Variants in TMEM108 observed in about 807,000 individuals in gnomAD.
TMEM108 encodes the protein cancer/testis antigen 124.
Under a neutral mutation model 35.1 loss-of-function variants are expected in TMEM108, and 12 were observed. That is an observed-to-expected ratio of 0.34 (90% confidence interval 0.22 to 0.55). The LOEUF (loss-of-function observed/expected upper bound fraction) is 0.55, where lower values mean the gene tolerates loss of function less well. TMEM108 is among the 20% of genes least tolerant of loss of function. The probability of loss-of-function intolerance (pLI) is 0.89; values close to 1 mark genes in which losing one functional copy is unlikely to be tolerated. For synonymous variants in TMEM108, 287 were observed against 308.6 expected (o/e 0.93, Z 0.73); for missense variants, 680 against 753.3 (o/e 0.90, Z 1.14).
intron 3 of TMEM108, among the ~76,000 whole-genome samples, chr3:133,313,389 G>A (rs561527478): frequency 6.6e-6 from 1 of 151,894 alleles, no homozygotes; most frequent in African/African-American, 2.4e-5. Context: ...AGTAGAGACG[G>A]GTTTTCACCG....
chr3:133,211,380 CAAAAGAA>C (rs1374879912), intron 2 of TMEM108, among the ~76,000 whole-genome samples: 3 of 151,820 alleles, frequency 2.0e-5, no homozygotes, highest in Non-Finnish European at 4.4e-5. Flanking sequence ...TCAGGCATTG[CAAAAGAA>C]AAAAGAAAAA....
intron 4 of TMEM108, among the ~76,000 whole-genome samples, chr3:133,383,498 T>G (rs1325913436): frequency 1.3e-5 from 2 of 152,168 alleles, no homozygotes; most frequent in Non-Finnish European, 2.9e-5. Flanking sequence ...GATATGGGCC[T>G]CCCTCTTTGA....
intron 2 of TMEM108, among the ~76,000 whole-genome samples, chr3:133,102,060 A>G (rs1364456745): frequency 1.3e-5 from 2 of 152,242 alleles, no homozygotes; most frequent in Non-Finnish European, 2.9e-5. Context: ...ATTGGTTTCT[A>G]TAATATGATT....
intron 3 of TMEM108, among the ~76,000 whole-genome samples, chr3:133,261,995 AG>A (rs1946631952): frequency 6.6e-6 from 1 of 152,200 alleles, no homozygotes; most frequent in Non-Finnish European, 1.5e-5. Flanking sequence ...CACATATCAG[AG>A]GGCAAGTATC....
At chr3:133,298,479 CT>C (rs1268851783) in intron 3 of TMEM108, among the ~76,000 whole-genome samples, 2 of 152,050 alleles carry the variant, frequency 1.3e-5, no homozygotes, top group African/African-American at 2.4e-5. Flanking sequence ...ACCTAGAGTG[CT>C]TGTGATTTTA....
intron 3 of TMEM108, among the ~76,000 whole-genome samples, chr3:133,264,073 A>C (rs1278250729): frequency 6.6e-6 from 1 of 152,206 alleles, no homozygotes; most frequent in East Asian, 1.9e-4. Flanking sequence ...TGGGAGATCA[A>C]GGCAGGAGGA....
chr3:133,119,268 C>G (rs1325006749), intron 2 of TMEM108: 1 of 152,020 alleles, frequency 6.6e-6, no homozygotes, highest in Admixed American at 6.6e-5. Context: ...AGAGTAGGCA[C>G]TCCCCTCCAC....
intron 2 of TMEM108, among the ~76,000 whole-genome samples, chr3:133,220,202 T>G (rs554541459): frequency 6.6e-6 from 1 of 152,270 alleles, no homozygotes; most frequent in South Asian, 2.1e-4. Context: ...CACTTTCATT[T>G]TGTATGTGTC....
chr3:133,106,413 C>T (rs1576321639), intron 2 of TMEM108, among the ~76,000 whole-genome samples: 1 of 152,070 alleles, frequency 6.6e-6, no homozygotes, highest in Admixed American at 6.6e-5. Context: ...GCTTCACCAA[C>T]TCTAAATCAA....
intron 2 of TMEM108, among the ~76,000 whole-genome samples, chr3:133,127,452 C>T (rs934427325): frequency 6.6e-6 from 1 of 151,844 alleles, no homozygotes; most frequent in Non-Finnish European, 1.5e-5. Context: ...AATCTCATTT[C>T]GTAAGTGTGG....
At chr3:133,352,630 T>C (rs1017352240) in intron 3 of TMEM108, among the ~76,000 whole-genome samples, 3 of 152,212 alleles carry the variant, frequency 2.0e-5, no homozygotes, top group African/African-American at 4.8e-5. Flanking sequence ...GAAAACCATA[T>C]GCTTAGTAGC....
chr3:133,295,945 A>G (rs989406935), intron 3 of TMEM108, among the ~76,000 whole-genome samples: 2 of 152,180 alleles, frequency 1.3e-5, no homozygotes, highest in Non-Finnish European at 2.9e-5. Context: ...AGGACTGTCT[A>G]TTGGGGAACA....
rs535004606 is a variant in TMEM108 at position 133,143,421 on chromosome 3, GA to G, written c.-46-85834del. Reference sequence around the variant, plus strand: ...CATTCATCTGGAGCTGTTTAAAAAAGAAAAAAAAAAAGAGTGCTTTATGTTT... The same window carrying G: ...CATTCATCTGGAGCTGTTTAAAAAAGAAAAAAAAAAGAGTGCTTTATGTTT... On this transcript the variant is annotated intron_variant, in intron 2 of 5. Coordinates refer to ENST00000321871, the MANE Select transcript of TMEM108 (RefSeq NM_023943.4). Among the ~76,000 whole-genome samples the G allele has an allele frequency of 3.6e-3, 484 of 135,234 alleles. 5 individuals carry two copies. Among genetic ancestry groups the G allele is most frequent in the South Asian group, 0.02 (86 of 4,272 alleles). 88.7% of individuals were successfully genotyped at this position (135,234 alleles called of 152,430 possible).
At chr3:133,335,811 G>A (rs1414511649) in intron 3 of TMEM108, among the ~76,000 whole-genome samples, 1 of 152,184 alleles carries the variant, frequency 6.6e-6, no homozygotes, top group Non-Finnish European at 1.5e-5. Context: ...AAGAGGATAG[G>A]AAACACAGTG....
intron 2 of TMEM108, chr3:133,192,917 T>C (rs898815898): frequency 1.3e-5 from 2 of 151,980 alleles, no homozygotes; most frequent in Non-Finnish European, 2.9e-5. Flanking sequence ...ACTGTGTGTG[T>C]GTGTGTGCGC....
intron 2 of TMEM108, among the ~76,000 whole-genome samples, chr3:133,140,735 C>T (rs887514522): frequency 6.6e-6 from 1 of 152,056 alleles, no homozygotes; most frequent in African/African-American, 2.4e-5. Flanking sequence ...GCCTTAATCA[C>T]ATTTGAGTGA....
At chr3:133,256,881 A>G (rs1240188980) in intron 3 of TMEM108, 1 of 152,184 alleles carries the variant, frequency 6.6e-6, no homozygotes, top group Non-Finnish European at 1.5e-5. Flanking sequence ...AATTACTATA[A>G]CCTTAATGCA....
At position 133,287,873 on chromosome 3, in the gene TMEM108, A is replaced by G. The variant is rs377331443; in HGVS notation, c.40+58522A>G. 1.1e-4 allele frequency among the ~76,000 whole-genome samples: 17 copies of G among 152,322 alleles called. No individual in the cohort carries two copies. In the South Asian group the frequency reaches 3.3e-3, roughly 30 times the overall value. ...AATCACTTAGGTTCAAGAGCAAGCA[A>G]ATTCAGAAGCACTGAATGGAGAATT... On this transcript the variant is annotated intron_variant, in intron 3 of 5. Coordinates refer to ENST00000321871, the MANE Select transcript of TMEM108 (RefSeq NM_023943.4).
chr3:133,204,816 T>C (rs1414426647), intron 2 of TMEM108, among the ~76,000 whole-genome samples: 1 of 152,186 alleles, frequency 6.6e-6, no homozygotes, highest in African/African-American at 2.4e-5. Flanking sequence ...GTCTGTTAGG[T>C]CCACTTGGTC....
Sources: gnomAD v4.1 joint callset for allele counts (sites outside exome capture counted in the v4.1 genomes callset) on GRCh38, gnomAD v4.1.1 for gene constraint, MANE v1.5 for transcripts, NCBI Gene and HGNC (gene_info 2026-07-23, HGNC 2026-07-21) for gene names.